MYH10: variants seen among roughly 807,000 people sequenced by gnomAD.
MYH10 encodes the protein myosin-10.
A neutral mutation model predicts 257.8 loss-of-function variants in MYH10; 55 were observed. That is an observed-to-expected ratio of 0.21 (90% CI 0.17 to 0.27). MYH10 has a LOEUF of 0.27. MYH10 is among the 10% of genes least tolerant of loss of function. The pLI, the probability that MYH10 is intolerant of heterozygous loss-of-function variation, is 1.00. For synonymous variants in MYH10, 854 were observed against 921.7 expected, an observed-to-expected ratio of 0.93 and a Z score of 1.33; for missense variants, 1,631 against 2,500.6, an observed-to-expected ratio of 0.65 and a Z score of 7.42.
In MYH10 at chr17:8,475,798, G is replaced by A; in HGVS notation, c.*6C>T. On this transcript the variant is annotated 3_prime_UTR_variant, in exon 43 of 43. Transcript: ENST00000360416. The stretch of plus-strand genomic sequence containing the variant: ...ACTGTATTGCCTCCTCTGGCTTCCT[G>A]CAACTTTACTCTGACTGGGGTGGCT... 3 of 1,613,452 alleles carry A rather than the reference G, an allele frequency of 1.9e-6. No individual in the cohort carries two copies. Among genetic ancestry groups the A allele is most frequent in the Non-Finnish European group, 2.5e-6 (3 of 1,179,604 alleles).
intron 24 of MYH10, among the ~76,000 whole-genome samples, chr17:8,511,631 A>G (rs1489340753): frequency 6.6e-6 from 1 of 152,262 alleles, no homozygotes; most frequent in Admixed American, 6.5e-5. Flanking sequence ...AACTTCGGCT[A>G]AATAATTTAC....
At chr17:8,630,021 C>T (rs1000655985) in intron 1 of MYH10, among the ~76,000 whole-genome samples, 3 of 152,014 alleles carry the variant, frequency 2.0e-5, no homozygotes, top group Admixed American at 1.3e-4. Context: ...GCGCGCGCCG[C>T]CCGCCTTCCA....
chr17:8,551,255 C>A (rs1370891811), intron 9 of MYH10, among the ~76,000 whole-genome samples: 2 of 149,754 alleles, frequency 1.3e-5, no homozygotes, highest in Non-Finnish European at 3.0e-5. Context: ...ACTGCATCAT[C>A]TTGAATTTTT....
intron 42 of MYH10, among the ~76,000 whole-genome samples, chr17:8,476,539 CAGGTCCCAGGAGG>C (rs1912656686): frequency 6.6e-6 from 1 of 152,128 alleles, no homozygotes; most frequent in Non-Finnish European, 1.5e-5. Flanking sequence ...CTGATGGCAC[CAGGTCCCAGGAGG>C]AGCTCCTGCC....
intron 7 of MYH10, among the ~76,000 whole-genome samples, chr17:8,554,560 C>T (rs548034677): frequency 1.3e-5 from 2 of 152,232 alleles, no homozygotes; most frequent in South Asian, 2.1e-4. Flanking sequence ...CTTTACTATA[C>T]ATAACTGTTT....
chr17:8,589,049 A>G (rs1238775762), intron 4 of MYH10, 32 bp downstream of exon 4: 2 of 1,611,086 alleles, frequency 1.2e-6, no homozygotes, highest in African/African-American at 2.7e-5. Context: ...AAGAAAATCA[A>G]AAACAAATCT....
At chr17:8,581,332 TTTC>T (rs2083696752) in intron 4 of MYH10, among the ~76,000 whole-genome samples, 1 of 152,224 alleles carries the variant, frequency 6.6e-6, no homozygotes, top group East Asian at 1.9e-4. Context: ...AAAAAGATAA[TTTC>T]TTATTACACC....
rs993242872 is a variant in MYH10 at position 8,531,010 on chromosome 17, G to A, written c.1895-325C>T. ...TAAGGCACTATTTGAGTTGTCTATC[G>A]TAAAAATATCTTATCGTTAGTAGCT... On this transcript the variant is annotated intron_variant, in intron 16 of 42. Transcript: ENST00000360416. Among the ~76,000 whole-genome samples the A allele has an allele frequency of 4.6e-5, 7 of 152,150 alleles. No individual in the cohort carries two copies. In the South Asian group the frequency reaches 1.0e-3, roughly 22 times the overall value.
At chr17:8,571,070 T>A (rs1269494612) in intron 6 of MYH10, among the ~76,000 whole-genome samples, 1 of 152,204 alleles carries the variant, frequency 6.6e-6, no homozygotes, top group Non-Finnish European at 1.5e-5. Flanking sequence ...TGTCATTACA[T>A]GGCATCGGTT....
At chr17:8,513,265 T>C (rs1220201290) in intron 23 of MYH10, among the ~76,000 whole-genome samples, 5 of 152,200 alleles carry the variant, frequency 3.3e-5, no homozygotes, top group Non-Finnish European at 5.9e-5. Flanking sequence ...AAACAGGTGT[T>C]AAGTACATGC....
intron 4 of MYH10, among the ~76,000 whole-genome samples, chr17:8,578,493 C>T (rs2083585257): frequency 6.6e-6 from 1 of 152,004 alleles, no homozygotes; most frequent in Non-Finnish European, 1.5e-5. Flanking sequence ...ATCCACCTGC[C>T]CAGCCTGTGT....
In MYH10 at chr17:8,535,684, A is replaced by C; in HGVS notation, c.1779+74T>G. ...ATAAATGTTTATCAGCACCTTTGTTACACCTTCATAAAAATGTAGCAAAAT... is the reference window on the plus strand; with the variant it reads ...ATAAATGTTTATCAGCACCTTTGTTCCACCTTCATAAAAATGTAGCAAAAT... On this transcript the variant is annotated intron_variant, in intron 15 of 42. Coordinates refer to ENST00000360416, the MANE Select transcript of MYH10 (RefSeq NM_001256012.3). This position sits in a 1 kb window ranked among gnomAD's most constrained non-coding sequence, Gnocchi z 4.3. 1 of 1,451,456 alleles carries C rather than the reference A, an allele frequency of 6.9e-7. No homozygotes were observed. Among genetic ancestry groups the C allele is most frequent in the Non-Finnish European group, 9.5e-7 (1 of 1,050,632 alleles). The allele number at this position is 1,451,456 out of a possible 1,614,324, so 89.9% of individuals were successfully genotyped here.
intron 24 of MYH10, chr17:8,511,017 T>TATATATATA (rs2081252388): frequency 9.3e-4 from 3 of 3,216 alleles, no homozygotes; most frequent in African/African-American, 1.3e-3. Context: ...ATGTACCCCA[T>TATATATATA]ATATATATAT....
At chr17:8,559,379 CCTA>C (rs1346154833) in intron 7 of MYH10, among the ~76,000 whole-genome samples, 1 of 150,218 alleles carries the variant, frequency 6.7e-6, no homozygotes, top group Non-Finnish European at 1.5e-5. Flanking sequence ...TTCTTTCATA[CCTA>C]CTTGAAAGAC....
chr17:8,518,882 A>G lies in MYH10; in HGVS notation c.2342T>C (p.Met781Thr). 2 of 1,608,208 alleles carry G rather than the reference A, an allele frequency of 1.2e-6. No individual in the cohort carries two copies. Among genetic ancestry groups the G allele is most frequent in the Admixed American group, 1.7e-5 (1 of 59,068 alleles). Residue 781 changes from methionine to threonine, a missense_variant and splice_region_variant, in exon 20 of 43, where the codon ATG (methionine) becomes ACG (threonine). This residue lies in a region of MYH10 where 116 missense variants were observed against 221.6 expected (regional missense o/e 0.52). Coordinates refer to ENST00000360416, the MANE Select transcript of MYH10 (RefSeq NM_001256012.3). Reference protein sequence around the residue: ...FMDGKQACERMIRALELDPNL... With the variant: ...FMDGKQACERTIRALELDPNL... ...AGAAAAAGATCAAGAAAACCTTACC[A>G]TTCGTTCACAGGCCTGTTTACCATC...
intron 6 of MYH10, among the ~76,000 whole-genome samples, chr17:8,571,921 A>C (rs935061646): frequency 1.2e-4 from 7 of 59,240 alleles, no homozygotes; most frequent in Non-Finnish European, 2.5e-4. Flanking sequence ...TTGGGTCTCT[A>C]AAAGCCTTTT....
At chr17:8,620,739 C>A (rs2085434202) in intron 2 of MYH10, among the ~76,000 whole-genome samples, 1 of 152,182 alleles carries the variant, frequency 6.6e-6, no homozygotes, top group Admixed American at 6.5e-5. Context: ...CTTAACGACA[C>A]AGACTTCTTT....
Position 8,548,779 on chromosome 17 carries a change from G to A in MYH10, c.928C>T (p.Leu310Phe), listed in dbSNP as rs1259384274. The change falls in exon 10 of 43, where the codon CTT becomes TTT. Residue 310 changes from leucine to phenylalanine, a missense_variant. Physicochemically the swap from Leu to Phe is conservative, Grantham distance 22. Transcript: ENST00000360416. ...CTGTAGTTATTAAATCCTTCAAGAAGCAAATCAGCTAAAAGGAAATATAAT... is the reference window on the plus strand; with the variant it reads ...CTGTAGTTATTAAATCCTTCAAGAAACAAATCAGCTAAAAGGAAATATAAT... ...GAGEHLKSDL[L>F]LEGFNNYRFL... The A allele has an allele frequency of 6.2e-7, 1 of 1,610,246 alleles. No individual in the cohort carries two copies. The highest frequency in any genetic ancestry group is 8.5e-7 in the Non-Finnish European group (1 of 1,177,114).
At chr17:8,601,259 G>T (rs573194661) in intron 3 of MYH10, among the ~76,000 whole-genome samples, 1 of 152,154 alleles carries the variant, frequency 6.6e-6, no homozygotes, top group Non-Finnish European at 1.5e-5. Context: ...GCCACAAGGT[G>T]GTGAGCCTCA....
Sources: allele counts gnomAD v4.1 joint callset (sites outside exome capture counted in the v4.1 genomes callset), GRCh38; gene constraint gnomAD v4.1.1; regional missense constraint gnomAD v4.1.1; non-coding constraint Gnocchi (gnomAD v3.1); transcripts MANE v1.5; gene names NCBI Gene and HGNC (gene_info 2026-07-23, HGNC 2026-07-21).